PLIN5: variants seen among roughly 807,000 people sequenced by gnomAD.
The protein encoded by PLIN5 is perilipin-5.
A neutral mutation model predicts 32.8 loss-of-function variants in PLIN5; 34 were observed. The ratio of observed to expected loss-of-function variants is 1.04; its 90% CI spans 0.79 to 1.38. PLIN5 has a LOEUF of 1.38. Ranked by LOEUF, PLIN5 falls within the 40% of genes most tolerant of loss-of-function variation. PLIN5 has a pLI of 0.00. For synonymous variants in PLIN5, 309 were observed against 292.9 expected, an observed-to-expected ratio of 1.05 and a Z score of -0.56; for missense variants, 712 against 660.5, an observed-to-expected ratio of 1.08 and a Z score of -0.85.
chr19:4,524,776 C>T (rs1453941952), intron 7 of PLIN5, among the ~76,000 whole-genome samples, 187 bp downstream of exon 7: 2 of 151,668 alleles, frequency 1.3e-5, no homozygotes, highest in African/African-American at 4.9e-5. Flanking sequence ...ATAAAACACA[C>T]AATGGGACTT....
chr19:4,527,555 A>AC lies in PLIN5; in HGVS notation c.520+1517_520+1518insG, dbSNP rs1157474323. ...CTCCACTTCAAAAAAAAAAAAAAAA[A>AC]AAAAAAAAAAACAACAATGGTTGGG... is the stretch of plus-strand genomic sequence containing the variant. On this transcript the variant is annotated intron_variant, in intron 5 of 7. Transcript: ENST00000381848. 2.8e-5 allele frequency among the ~76,000 whole-genome samples: 4 copies of AC among 142,504 alleles called. No individual in the cohort carries two copies. In the East Asian group the frequency reaches 6.0e-4, roughly 21 times the overall value. The allele number at this position is 142,504 out of a possible 152,430, so 93.5% of individuals were successfully genotyped here.
At position 4,523,763 on chromosome 19, in the gene PLIN5, G is replaced by T; in HGVS notation, c.1157C>A (p.Pro386His). 6.3e-7 allele frequency: 1 copy of T among 1,599,436 alleles called. No homozygotes were observed. The highest frequency in any genetic ancestry group is 2.2e-5 in the East Asian group (1 of 44,856). The change falls in exon 8 of 8, where the codon CCC becomes CAC. Residue 386 changes from proline (P) to histidine (H), a missense_variant. Pro to His is a moderately conservative substitution (Grantham distance 77). Transcript: ENST00000381848. The surrounding 1 kb of genome is among the most constrained non-coding windows in gnomAD (Gnocchi z 5.0). ...GTCCGCCAGGTCGGGCAGGGGCTCGGGTCGCTCCACAAGGATGGGCGCGAA... is the reference window on the plus strand; with the variant it reads ...GTCCGCCAGGTCGGGCAGGGGCTCGTGTCGCTCCACAAGGATGGGCGCGAA... ...GPFAPILVER[P>H]EPLPDLADLV...
At position 4,529,393 on chromosome 19, in the gene PLIN5, G is replaced by A. The variant is rs560142023; in HGVS notation, c.340-140C>T. 8.6e-5 allele frequency: 77 copies of A among 900,424 alleles called. No individual in the cohort carries two copies. The Admixed American group carries it at 1.2e-3, about 14-fold the overall frequency. 55.8% of individuals were successfully genotyped at this position (900,424 alleles called of 1,614,324 possible). A position where few individuals can be genotyped will look rare whatever the true frequency, so the allele number is the denominator to read the frequency against. On this transcript the variant is annotated intron_variant, in intron 4 of 7. Coordinates refer to ENST00000381848, the MANE Select transcript of PLIN5 (RefSeq NM_001013706.3). ...CCTCAGTTTCCCCTATAAAATGGGT[G>A]ATAAAACCCTTCCCTCACAGAGGGT...
chr19:4,530,277 G>C (rs1386212760), intron 3 of PLIN5, among the ~76,000 whole-genome samples: 4 of 152,132 alleles, frequency 2.6e-5, no homozygotes, highest in Non-Finnish European at 5.9e-5. Context: ...CACCCACCCT[G>C]TTCTCCCAGC....
intron 1 of PLIN5, 122 bp from the exon 2 acceptor site, chr19:4,534,217 G>A (rs765068211): frequency 2.6e-6 from 2 of 770,126 alleles, no homozygotes; most frequent in East Asian, 5.3e-5. Flanking sequence ...CTGCATAATG[G>A]GGCATTCTGT....
Position 4,523,534 on chromosome 19 carries a change from G to A in PLIN5, c.1386C>T (p.Asp462=), listed in dbSNP as rs1976757122. 6 of 1,561,728 alleles carry A rather than the reference G, an allele frequency of 3.8e-6. No homozygotes were observed. Among genetic ancestry groups the A allele is most frequent in the Non-Finnish European group, 5.2e-6 (6 of 1,150,812 alleles). Residue 462 remains aspartate, a synonymous_variant, in exon 8 of 8, where the codon GAC becomes GAT. Coordinates refer to ENST00000381848, the MANE Select transcript of PLIN5 (RefSeq NM_001013706.3). This position sits in a 1 kb window ranked among gnomAD's most constrained non-coding sequence, Gnocchi z 5.0. ...PVKHTLMPEL[D]F ...GCCTCCACTGGCCCATGGGTCAGAA[G>A]TCCAGCTCGGGCATCAGGGTGTGCT...
In PLIN5 at chr19:4,534,048, G is replaced by T. The variant is rs765483642; in HGVS notation, c.27C>A (p.Ile9=). The T allele has an allele frequency of 2.5e-6, 4 of 1,613,250 alleles. No individual in the cohort carries two copies. The highest frequency in any genetic ancestry group is 3.4e-6 in the Non-Finnish European group (4 of 1,179,662). The part of the protein sequence containing the change: MSEEEAAQ[I]PRSSVWEQDQ... ...CCTGCTCCCACACACTGGATCTGGG[G>T]ATCTGAGCCGCCTCTTCTTCAGACA... Residue 9 remains isoleucine, a synonymous_variant, in exon 2 of 8, where the codon ATC becomes ATA. Coordinates refer to ENST00000381848, the MANE Select transcript of PLIN5 (RefSeq NM_001013706.3).
intron 4 of PLIN5, chr19:4,529,480 A>G (rs1976851563): frequency 3.6e-6 from 2 of 560,644 alleles, no homozygotes; most frequent in Non-Finnish European, 3.1e-6. Flanking sequence ...ATATACATAT[A>G]TACACATATA....
rs772421501 is a variant in PLIN5, at chr19:4,523,684, C to G, written c.1236G>C (p.Trp412Cys). 6.2e-7 allele frequency: 1 copy of G among 1,607,620 alleles called. No homozygotes were observed. The highest frequency in any genetic ancestry group is 8.5e-7 in the Non-Finnish European group (1 of 1,179,768). ...CCTCCCAGGCTCTCTGCTGGGCCGG[C>G]CAGTCCAGGTGCGCCCAGCGGGGGT... ...GPDPRWAHLD[W>C]PAQQRAWEAE... Residue 412 changes from tryptophan to cysteine, a missense_variant, in exon 8 of 8, where the codon TGG becomes TGC. Transcript: ENST00000381848. The surrounding 1 kb of genome is among the most constrained non-coding windows in gnomAD (Gnocchi z 5.0).
chr19:4,528,700 G>C (rs1029456718), intron 5 of PLIN5: 4 of 168,814 alleles, frequency 2.4e-5, no homozygotes, highest in African/African-American at 9.5e-5. Flanking sequence ...GAGCCACTGT[G>C]CCTGGCAGTG....
In PLIN5 at chr19:4,525,758, C is replaced by T. The variant is rs562641530; in HGVS notation, c.595G>A (p.Val199Met). The T allele has an allele frequency of 6.2e-7, 1 of 1,613,620 alleles. No individual in the cohort carries two copies. Among genetic ancestry groups the T allele is most frequent in the East Asian group, 2.2e-5 (1 of 44,890 alleles). The change falls in exon 6 of 8, where the codon GTG (valine) becomes ATG (methionine). Residue 199 changes from valine (V) to methionine (M), a missense_variant. Transcript: ENST00000381848. The surrounding 1 kb of genome is among the most constrained non-coding windows in gnomAD (Gnocchi z 5.6). ...CGTGCTGACAGGGAGCCGAGGCGCA[C>T]AAAGTAGCCCTGCTGTCTCCTCTGA... is the stretch of plus-strand genomic sequence containing the variant. ...EDQRRQQGYF[V>M]RLGSLSARIR...
chr19:4,527,944 C>G (rs1333492832), intron 5 of PLIN5, among the ~76,000 whole-genome samples: 5 of 150,636 alleles, frequency 3.3e-5, no homozygotes, highest in Non-Finnish European at 7.4e-5. Context: ...GAGTCTCGCT[C>G]TGTCACCCAG....
At position 4,523,919 on chromosome 19, in the gene PLIN5, C is replaced by G. The variant is rs377657199; in HGVS notation, c.1001G>C (p.Arg334Pro). The change falls in exon 8 of 8, where the codon CGC (arginine) becomes CCC (proline). Residue 334 changes from arginine (R) to proline (P), a missense_variant. By Grantham distance (103) the Arg-to-Pro change is moderately radical (BLOSUM62 -2). Transcript: ENST00000381848. The surrounding 1 kb of genome is among the most constrained non-coding windows in gnomAD (Gnocchi z 5.0). ...GGCCGCTGGCACGTCCCTGAAGCAG[C>G]GGGCATCAGCGAAGGCGGTCTGCAG... is the stretch of plus-strand genomic sequence containing the variant. ...DALQTAFADA[R>P]CFRDVPAAAL... is the part of the protein sequence containing the mutation. 6 of 1,526,900 alleles carry G rather than the reference C, an allele frequency of 3.9e-6. No individual in the cohort carries two copies. Among genetic ancestry groups the G allele is most frequent in the Non-Finnish European group, 5.2e-6 (6 of 1,145,862 alleles). 94.6% of individuals were successfully genotyped at this position (1,526,900 alleles called of 1,614,324 possible).
intron 1 of PLIN5, among the ~76,000 whole-genome samples, chr19:4,534,861 G>C (rs1019751812): frequency 2.0e-4 from 31 of 152,212 alleles, no homozygotes. Context: ...GGCAACTGAG[G>C]TACGCAGCAG....
chr19:4,524,965 G>A lies in PLIN5; in HGVS notation c.832C>T (p.Gln278Ter), dbSNP rs1313850453. 3 of 1,532,040 alleles carry A rather than the reference G, an allele frequency of 2.0e-6. No individual in the cohort carries two copies. Among genetic ancestry groups the A allele is most frequent in the Non-Finnish European group, 2.6e-6 (3 of 1,139,646 alleles). The allele number at this position is 1,532,040 out of a possible 1,614,324, so 94.9% of individuals were successfully genotyped here. The change falls in exon 7 of 8, where the codon CAG (glutamine) becomes TAG (stop). Residue 278 changes from glutamine to a stop codon, truncating the protein, a stop_gained and splice_region_variant. Coordinates refer to ENST00000381848, the MANE Select transcript of PLIN5 (RefSeq NM_001013706.3). LOFTEE classifies it low-confidence loss of function (END_TRUNC). ...QRPPESRRRS[Q>*]AELETLVLSR... ...ACCTGGCACTCCTGCGGTCTCACCT[G>A]GCTCCGGCGGCGGCTCTCCGGAGGG...
chr19:4,529,508 A>G, intron 4 of PLIN5: 1 of 537,168 alleles, frequency 1.9e-6, no homozygotes, highest in Non-Finnish European at 3.3e-6. Context: ...ATACATATAT[A>G]CATGTATATA....
intron 5 of PLIN5, among the ~76,000 whole-genome samples, chr19:4,527,223 C>CCG (rs1345569847): frequency 6.6e-6 from 1 of 151,920 alleles, no homozygotes; most frequent in Non-Finnish European, 1.5e-5. Flanking sequence ...CTACAGGCAC[C>CCG]CGCCACCACG....
In PLIN5 at chr19:4,531,689, C is replaced by T; in HGVS notation, c.194G>A (p.Cys65Tyr). ...SACRLAENCV[C>Y]GLTTRALDHA... ...GTCCAGGGCACGGGTGGTCAGGCCG[C>T]ACACGCAGTTCTCAGCCAGGCGGCA... The change falls in exon 3 of 8, where the codon TGC becomes TAC. Residue 65 changes from cysteine (C) to tyrosine (Y), a missense_variant. Coordinates refer to ENST00000381848, the MANE Select transcript of PLIN5 (RefSeq NM_001013706.3). The T allele has an allele frequency of 8.3e-6, 13 of 1,557,374 alleles. No homozygotes were observed. Among genetic ancestry groups the T allele is most frequent in the Non-Finnish European group, 1.1e-5 (13 of 1,155,352 alleles).
Position 4,523,454 on chromosome 19 carries a change from G to A in PLIN5, c.*74C>T, listed in dbSNP as rs1254462948. On this transcript the variant is annotated 3_prime_UTR_variant, in exon 8 of 8. Coordinates refer to ENST00000381848, the MANE Select transcript of PLIN5 (RefSeq NM_001013706.3). The surrounding 1 kb of genome is among the most constrained non-coding windows in gnomAD (Gnocchi z 5.0). ...GTCAAGGCCAAGGCCTCGAGCTTACGTGTGGCCACCAGGGGGCAGCAGGGA... is the reference window on the plus strand; with the variant it reads ...GTCAAGGCCAAGGCCTCGAGCTTACATGTGGCCACCAGGGGGCAGCAGGGA... 2.1e-5 allele frequency: 31 copies of A among 1,465,176 alleles called. 1 individual carries two copies. Among genetic ancestry groups the A allele is most frequent in the East Asian group, 4.9e-5 (2 of 40,902 alleles). The allele number at this position is 1,465,176 out of a possible 1,614,324, so 90.8% of individuals were successfully genotyped here. A position where few individuals can be genotyped will look rare whatever the true frequency, so the allele number is the denominator to read the frequency against.
Sources: gnomAD v4.1 joint callset for allele counts (sites outside exome capture counted in the v4.1 genomes callset) on GRCh38, gnomAD v4.1.1 for gene constraint, Gnocchi (gnomAD v3.1) non-coding constraint, MANE v1.5 for transcripts, NCBI Gene and HGNC (gene_info 2026-07-23, HGNC 2026-07-21) for gene names.